The following TRPM3 variants were observed in gnomAD, a reference collection of about 807,000 sequenced individuals.
TRPM3 encodes transient receptor potential cation channel subfamily M member 3, also known as long transient receptor potential channel 3.
Under a neutral mutation model 181.2 loss-of-function variants are expected in TRPM3, and 77 were observed. The observed-to-expected ratio is 0.42, with a 90% CI of 0.35 to 0.51. The LOEUF (loss-of-function observed/expected upper bound fraction) is 0.51. TRPM3 is among the 20% of genes least tolerant of loss of function. TRPM3 has a pLI of 0.01. For missense variants in TRPM3, 1,759 were observed against 2,196.7 expected (o/e 0.80, Z 3.98); for synonymous variants, 745 against 796.4 (o/e 0.94, Z 1.09).
chr9:70,640,531 C>T, intron 10 of TRPM3, 29 bp downstream of exon 10: 1 of 1,596,674 alleles, frequency 6.3e-7, no homozygotes, highest in Non-Finnish European at 8.6e-7. Context: ...CCAAAGTGGG[C>T]TTTTCATGGG....
chr9:71,121,434 C>A lies in TRPM3; in HGVS notation c.-80G>T. The stretch of plus-strand genomic sequence containing the variant: ...TTGGAAGACTAGTCAAGTAGCCTTG[C>A]CTGAGCCCCTGAACCTTCTTAAAAC... On this transcript the variant is annotated 5_prime_UTR_variant, in exon 1 of 26. Coordinates refer to ENST00000677713, the MANE Select transcript of TRPM3 (RefSeq NM_001366145.2). 1 of 1,524,570 alleles carries A rather than the reference C, an allele frequency of 6.6e-7. No homozygotes were observed. Among genetic ancestry groups the A allele is most frequent in the Non-Finnish European group, 8.8e-7 (1 of 1,139,046 alleles). 94.4% of individuals were successfully genotyped at this position (1,524,570 alleles called of 1,614,324 possible).
At chr9:70,783,896 T>G in intron 7 of TRPM3, 1 of 1,285,554 alleles carries the variant, frequency 7.8e-7, no homozygotes, top group Non-Finnish European at 9.9e-7. Context: ...CCGTGTAGCT[T>G]TCATAGAATT....
At chr9:70,557,579 G>A (rs1447194359) in intron 22 of TRPM3, among the ~76,000 whole-genome samples, 1 of 152,212 alleles carries the variant, frequency 6.6e-6, no homozygotes, top group Non-Finnish European at 1.5e-5. Context: ...CAGATTCCAG[G>A]ATGGGGAATA....
intron 1 of TRPM3, among the ~76,000 whole-genome samples, chr9:70,957,516 T>A (rs1037702371): frequency 5.9e-5 from 9 of 152,188 alleles, no homozygotes; most frequent in Non-Finnish European, 1.0e-4. Flanking sequence ...TCTTTTCTTT[T>A]AAATCCTTAG....
intron 7 of TRPM3, 21 bp from the exon 8 acceptor site, chr9:70,761,745 A>C: frequency 6.2e-7 from 1 of 1,600,958 alleles, no homozygotes; most frequent in Non-Finnish European, 8.5e-7. Flanking sequence ...AAACAATGTC[A>C]AAAGCAGGTC....
chr9:70,968,220 TA>T (rs1187637581), intron 1 of TRPM3, among the ~76,000 whole-genome samples: 6 of 152,160 alleles, frequency 3.9e-5, no homozygotes, highest in Admixed American at 6.5e-5. Flanking sequence ...CTTATATTGA[TA>T]AATTAAGGGC....
intron 1 of TRPM3, among the ~76,000 whole-genome samples, chr9:70,992,330 T>C (rs1216904824): frequency 2.0e-5 from 3 of 152,236 alleles, no homozygotes; most frequent in Non-Finnish European, 4.4e-5. Context: ...GCTTTGCTGA[T>C]AGCTTCTTTG....
At chr9:71,076,793 C>G (rs75830744) in intron 1 of TRPM3, among the ~76,000 whole-genome samples, 1 of 152,122 alleles carries the variant, frequency 6.6e-6, no homozygotes, top group Admixed American at 6.5e-5. Context: ...GTATCTGTGG[C>G]TGGATCCCAG....
chr9:70,558,824 A>G (rs761209444), intron 22 of TRPM3, among the ~76,000 whole-genome samples: 3 of 152,238 alleles, frequency 2.0e-5, no homozygotes, highest in Non-Finnish European at 2.9e-5. Context: ...GAAGGGATCA[A>G]ACATTTGGAG....
At chr9:70,765,758 C>T (rs2078993225) in intron 7 of TRPM3, among the ~76,000 whole-genome samples, 1 of 152,074 alleles carries the variant, frequency 6.6e-6, no homozygotes, top group Admixed American at 6.6e-5. Flanking sequence ...ATATGGAAGC[C>T]TGCTTTCTTA....
intron 1 of TRPM3, among the ~76,000 whole-genome samples, chr9:71,417,868 C>T (rs2093660687): frequency 1.3e-5 from 2 of 151,860 alleles, no homozygotes; most frequent in Admixed American, 6.6e-5. Context: ...TTTGCCTGTA[C>T]TTGATATATC....
chr9:71,132,865 T>C (rs1195037953), intron 1 of TRPM3, among the ~76,000 whole-genome samples: 2 of 152,194 alleles, frequency 1.3e-5, no homozygotes, highest in Non-Finnish European at 2.9e-5. Flanking sequence ...TTAATGGTTT[T>C]ATAGGATTTT....
At chr9:71,075,410 AG>A (rs1417319068) in intron 1 of TRPM3, among the ~76,000 whole-genome samples, 1 of 152,184 alleles carries the variant, frequency 6.6e-6, no homozygotes, top group Non-Finnish European at 1.5e-5. Flanking sequence ...GAGGGGGTTG[AG>A]TAGGGGCTAA....
At chr9:71,364,905 G>A (rs573753891) in intron 1 of TRPM3, among the ~76,000 whole-genome samples, 41 of 152,220 alleles carry the variant, frequency 2.7e-4, no homozygotes, top group Non-Finnish European at 5.4e-4. Flanking sequence ...GCATTTGCAT[G>A]GGGTAAGGAA....
chr9:71,113,509 G>A (rs993659410), intron 1 of TRPM3, among the ~76,000 whole-genome samples: 4 of 152,138 alleles, frequency 2.6e-5, no homozygotes, highest in Admixed American at 1.3e-4. Flanking sequence ...CTGCTGCAAA[G>A]TTTTTCTGCC....
intron 6 of TRPM3, among the ~76,000 whole-genome samples, chr9:70,797,277 C>G (rs2087357781): frequency 6.6e-6 from 1 of 152,144 alleles, no homozygotes; most frequent in Non-Finnish European, 1.5e-5. Flanking sequence ...CTCATGAAAT[C>G]AGGAATTATA....
At chr9:71,224,163 C>T (rs2080428773) in intron 1 of TRPM3, among the ~76,000 whole-genome samples, 1 of 152,178 alleles carries the variant, frequency 6.6e-6, no homozygotes, top group Non-Finnish European at 1.5e-5. Context: ...CTTGTGTCAC[C>T]CCTCCTCCAG....
Position 70,615,909 on chromosome 9 carries a change from G to A in TRPM3, c.2525C>T (p.Thr842Ile), listed in dbSNP as rs1309149577. 22 of 1,597,246 alleles carry A rather than the reference G, an allele frequency of 1.4e-5. No individual in the cohort carries two copies. Among genetic ancestry groups the A allele is most frequent in the Non-Finnish European group, 1.8e-5 (21 of 1,175,366 alleles). Residue 842 changes from threonine to isoleucine, a missense_variant and splice_region_variant, in exon 18 of 26, where the codon ACA becomes ATA. Transcript: ENST00000677713. ...AATAACTGTGCAATGTTTTCTTACT[G>A]TGAGCTCCATGTCCTCTTCCTCTTT... is the stretch of plus-strand genomic sequence containing the variant. ...KEKEEEDMEL[T>I]AMLGRNNGES...
chr9:71,258,278 G>T (rs1264743687), intron 1 of TRPM3, among the ~76,000 whole-genome samples: 1 of 152,118 alleles, frequency 6.6e-6, no homozygotes, highest in East Asian at 1.9e-4. Context: ...TTAAGTTCAT[G>T]CTGCTGGTTG....
Sources: allele counts gnomAD v4.1 joint callset (sites outside exome capture counted in the v4.1 genomes callset), GRCh38; gene constraint gnomAD v4.1.1; transcripts MANE v1.5; gene names NCBI Gene and HGNC (gene_info 2026-07-23, HGNC 2026-07-21).